The following WRN variants were observed in gnomAD, a reference collection of about 807,000 sequenced individuals.
The protein encoded by WRN is WRN RecQ like helicase.
WRN carries 149 observed loss-of-function variants against 180.7 expected under a neutral mutation model. That is an observed-to-expected ratio of 0.82 (90% CI 0.72 to 0.94). WRN has a LOEUF of 0.94. WRN is among the 40% of genes least tolerant of loss of function. The pLI, the probability that WRN is intolerant of heterozygous loss-of-function variation, is 0.00. For synonymous variants in WRN, 548 were observed against 568.9 expected (o/e 0.96, Z 0.52); for missense variants, 1,661 against 1,700.1 (o/e 0.98, Z 0.40).
At chr8:31,143,718 G>T in intron 28 of WRN, 95 bp downstream of exon 28, 1 of 839,994 alleles carries the variant, frequency 1.2e-6, no homozygotes, top group South Asian at 1.5e-5. Context: ...TATTTCATTG[G>T]CAAAAGGAAG....
intron 1 of WRN, among the ~76,000 whole-genome samples, chr8:31,055,219 A>G (rs754764739): frequency 6.6e-6 from 1 of 152,158 alleles, no homozygotes; most frequent in Non-Finnish European, 1.5e-5. Flanking sequence ...AAAATGATTT[A>G]TATTCCTTTG....
intron 1 of WRN, among the ~76,000 whole-genome samples, chr8:31,037,900 C>T (rs1192397448): frequency 6.6e-6 from 1 of 152,136 alleles, no homozygotes; most frequent in African/African-American, 2.4e-5. Context: ...AAGGTTCACC[C>T]ATGTTGTGGC....
chr8:31,069,879 T>C (rs1463581238), intron 7 of WRN, among the ~76,000 whole-genome samples: 1 of 152,148 alleles, frequency 6.6e-6, no homozygotes, highest in Non-Finnish European at 1.5e-5. Context: ...GAATTGCATG[T>C]AGGTTACATG....
intron 1 of WRN, among the ~76,000 whole-genome samples, chr8:31,034,505 CTG>C (rs1214291118): frequency 6.6e-6 from 1 of 152,080 alleles, no homozygotes; most frequent in Non-Finnish European, 1.5e-5. Context: ...ATACAGGAGT[CTG>C]TAAGTCGGAG....
chr8:31,132,586 T>G, intron 24 of WRN, 80 bp downstream of exon 24: 2 of 1,597,860 alleles, frequency 1.3e-6, no homozygotes, highest in Non-Finnish European at 1.7e-6. Context: ...TGCAGTATTA[T>G]GATTGTAGCT....
At chr8:31,159,759 A>G (rs1803537753) in intron 33 of WRN, among the ~76,000 whole-genome samples, 1 of 152,186 alleles carries the variant, frequency 6.6e-6, no homozygotes, top group South Asian at 2.1e-4. Flanking sequence ...AGCCTGGCCA[A>G]CATGGTGAAA....
rs780229859 is a variant in WRN, at chr8:31,167,123, G to A, written c.4084G>A (p.Gly1362Arg). 1.2e-5 allele frequency: 19 copies of A among 1,613,154 alleles called. No individual in the cohort carries two copies. Among genetic ancestry groups the A allele is most frequent in the South Asian group, 7.7e-5 (7 of 91,052 alleles). Residue 1362 changes from glycine to arginine, a missense_variant, in exon 34 of 35, where the codon GGA (glycine) becomes AGA (arginine). Gly to Arg is a moderately radical substitution (Grantham distance 125, BLOSUM62 -2). This residue lies in a region of WRN where 1,141 missense variants were observed against 1,149.4 expected (regional missense o/e 0.99). Transcript: ENST00000298139. ...GATCCTTAAACATGGTCCTGACAGC[G>A]GACTTCAACCTTCATGTGATGTCAA... is the stretch of plus-strand genomic sequence containing the variant. ...IEILKHGPDS[G>R]LQPSCDVNKR...
intron 18 of WRN, among the ~76,000 whole-genome samples, chr8:31,104,955 A>G (rs1437387776): frequency 6.6e-6 from 1 of 152,208 alleles, no homozygotes; most frequent in Non-Finnish European, 1.5e-5. Flanking sequence ...AAACTGTGTT[A>G]GAAATTGTTT....
chr8:31,119,978 TG>T (rs1801659374), intron 20 of WRN: 1 of 410,716 alleles, frequency 2.4e-6, no homozygotes, highest in African/African-American at 2.0e-5. Flanking sequence ...GAACCCCTTT[TG>T]TGTCTTGTAT....
intron 8 of WRN, among the ~76,000 whole-genome samples, chr8:31,077,000 T>C (rs1355944376): frequency 2.6e-5 from 4 of 152,172 alleles, no homozygotes; most frequent in African/African-American, 9.7e-5. Context: ...ACAATTAGAA[T>C]GTGGTAATGT....
chr8:31,159,528 T>A (rs1197195557), intron 33 of WRN, among the ~76,000 whole-genome samples: 1 of 152,014 alleles, frequency 6.6e-6, no homozygotes. Context: ...AAGTAAAAGT[T>A]ATAATTTAAA....
chr8:31,172,767 A>G (rs11574409), intron 34 of WRN, among the ~76,000 whole-genome samples: 2 of 152,220 alleles, frequency 1.3e-5, no homozygotes, highest in Non-Finnish European at 2.9e-5. Flanking sequence ...GTATAAGACT[A>G]CATGATGAGA....
rs868438861 is a variant in WRN at position 31,147,439 on chromosome 8, G to T, written c.3535G>T (p.Ala1179Ser). The T allele has an allele frequency of 6.2e-7, 1 of 1,614,002 alleles. No homozygotes were observed. The highest frequency in any genetic ancestry group is 8.5e-7 in the Non-Finnish European group (1 of 1,179,954). Residue 1179 changes from alanine to serine, a missense_variant, in exon 30 of 35, where the codon GCA becomes TCA. Ala to Ser is a moderately conservative substitution (Grantham distance 99). Coordinates refer to ENST00000298139, the MANE Select transcript of WRN (RefSeq NM_000553.6). ...NKMDVPPAIL[A>S]TNKILVDMAK... ...AATGGATGTTCCCCCAGCTATTCTG[G>T]CAACAAACAAGATACTGGTGGATAT...
chr8:31,094,501 A>G (rs1027573275), intron 16 of WRN, among the ~76,000 whole-genome samples: 2 of 151,844 alleles, frequency 1.3e-5, no homozygotes, highest in African/African-American at 2.4e-5. Context: ...ATATGTTACC[A>G]TACCTGGCTA....
At chr8:31,064,258 A>G (rs1812608084) in intron 3 of WRN, 31 bp from the exon 4 acceptor site, 1 of 1,612,808 alleles carries the variant, frequency 6.2e-7, no homozygotes, top group African/African-American at 1.3e-5. Context: ...ATTTTAACAT[A>G]AATTAATTTA....
chr8:31,067,264 T>C lies in WRN; in HGVS notation c.654+82T>C, dbSNP rs532897847. The C allele has an allele frequency of 3.4e-6, 5 of 1,491,556 alleles. No individual in the cohort carries two copies. The South Asian group carries it at 3.5e-5, about 11-fold the overall frequency. 92.4% of individuals were successfully genotyped at this position (1,491,556 alleles called of 1,614,324 possible). ...TGACTTTAGAAAAATTTTATTATAG[T>C]AGTGGCAGAAACTCTACCAAAATAT... On this transcript the variant is annotated intron_variant, in intron 6 of 34. Transcript: ENST00000298139.
chr8:31,096,772 A>G lies in WRN; in HGVS notation c.1903A>G (p.Lys635Glu), dbSNP rs774998815. 6.2e-7 allele frequency: 1 copy of G among 1,608,546 alleles called. No homozygotes were observed. Among genetic ancestry groups the G allele is most frequent in the Non-Finnish European group, 8.5e-7 (1 of 1,178,598 alleles). Residue 635 changes from lysine to glutamate, a missense_variant, in exon 17 of 35, where the codon AAA becomes GAA. Transcript: ENST00000298139. ...ENVLTDIKLG[K>E]YRIVYVTPEY... The stretch of plus-strand genomic sequence containing the variant: ...TTCTTTTGTTTGTTTTTACAGAGGT[A>G]AATACCGGATTGTATACGTAACTCC...
intron 7 of WRN, among the ~76,000 whole-genome samples, chr8:31,071,100 A>G (rs542955499): frequency 6.6e-6 from 1 of 151,958 alleles, no homozygotes; most frequent in East Asian, 1.9e-4. Flanking sequence ...GAATGGGTAC[A>G]GGAAATTACA....
intron 18 of WRN, 22 bp downstream of exon 18, chr8:31,100,977 G>A (rs1241392817): frequency 1.9e-6 from 3 of 1,590,666 alleles, no homozygotes. Context: ...CAAGTCTGAT[G>A]TCCCGAAATT....
Sources: gnomAD v4.1 joint callset for allele counts (sites outside exome capture counted in the v4.1 genomes callset) on GRCh38, gnomAD v4.1.1 for gene constraint, gnomAD v4.1.1 regional missense constraint, MANE v1.5 for transcripts, NCBI Gene and HGNC (gene_info 2026-07-23, HGNC 2026-07-21) for gene names.